Variants in WWTR1 observed in about 807,000 individuals in gnomAD.
WWTR1 encodes the protein WW domain-containing transcription regulator protein 1.
In WWTR1, 13 loss-of-function variants were observed where a neutral mutation model predicts 40.1. That is an observed-to-expected ratio of 0.32 (90% confidence interval 0.21 to 0.52). WWTR1 has a LOEUF of 0.52. Ranked by LOEUF, WWTR1 falls within the 20% of genes least tolerant of loss-of-function variation. The pLI is 0.97. For synonymous variants in WWTR1, 230 were observed against 210.1 expected (o/e 1.09, Z -0.82); for missense variants, 436 against 523.1 (o/e 0.83, Z 1.63).
chr3:149,520,728 T>G lies in WWTR1; in HGVS notation c.*77A>C. ...GCGGGAAGTGGTGCACCTGCAGACT[T>G]GCTCTGCTCCATCACTTTTTCCAAG... On this transcript the variant is annotated 3_prime_UTR_variant, in exon 7 of 7. Transcript: ENST00000360632. 1 of 1,364,062 alleles carries G rather than the reference T, an allele frequency of 7.3e-7. No homozygotes were observed. Among genetic ancestry groups the G allele is most frequent in the Non-Finnish European group, 9.6e-7 (1 of 1,037,276 alleles). The allele number at this position is 1,364,062 out of a possible 1,614,324, so 84.5% of individuals were successfully genotyped here. A position where few individuals can be genotyped will look rare whatever the true frequency, so the allele number is the denominator to read the frequency against.
At chr3:149,684,310 C>T (rs2108206710) in intron 1 of WWTR1, among the ~76,000 whole-genome samples, 1 of 152,194 alleles carries the variant, frequency 6.6e-6, no homozygotes, top group Admixed American at 6.5e-5. Context: ...CGTCAGCCAC[C>T]ACGCCCAGCT....
chr3:149,681,722 A>G (rs1311882468), intron 1 of WWTR1, among the ~76,000 whole-genome samples: 1 of 152,254 alleles, frequency 6.6e-6, no homozygotes, highest in Non-Finnish European at 1.5e-5. Flanking sequence ...TATATACACA[A>G]TAGAATATTA....
intron 2 of WWTR1, among the ~76,000 whole-genome samples, chr3:149,627,293 T>A (rs1740608002): frequency 1.3e-5 from 2 of 152,132 alleles, no homozygotes. Context: ...CTGACCACAA[T>A]CCTAATTTCC....
upstream of WWTR1, among the ~76,000 whole-genome samples, chr3:149,705,071 A>T (rs1351357720): frequency 1.4e-5 from 2 of 139,502 alleles, no homozygotes; most frequent in East Asian, 2.2e-4. Flanking sequence ...AAACTTAGAC[A>T]GTTTATATGA....
chr3:149,701,843 C>A (rs1426760502), intron 1 of WWTR1: 3 of 177,920 alleles, frequency 1.7e-5, no homozygotes, highest in Non-Finnish European at 2.4e-5. Context: ...GCAGGGGAAT[C>A]ATAAGGCATT....
At chr3:149,525,830 A>G in intron 6 of WWTR1, 183 bp downstream of exon 6, 1 of 393,098 alleles carries the variant, frequency 2.5e-6, no homozygotes, top group Non-Finnish European at 4.4e-6. Context: ...GGGTGACGAG[A>G]GCAATCGTAT....
intron 5 of WWTR1, among the ~76,000 whole-genome samples, chr3:149,716,768 G>A (rs906511811): frequency 6.6e-6 from 1 of 152,188 alleles, no homozygotes; most frequent in Non-Finnish European, 1.5e-5. Context: ...GGCTCTAAAT[G>A]TGTAGTTTAG....
At chr3:149,590,287 C>T (rs1738632010) in intron 2 of WWTR1, among the ~76,000 whole-genome samples, 1 of 151,996 alleles carries the variant, frequency 6.6e-6, no homozygotes, top group African/African-American at 2.4e-5. Flanking sequence ...ATTTATATAC[C>T]ATTTTATGGC....
intron 2 of WWTR1, among the ~76,000 whole-genome samples, chr3:149,582,001 C>T (rs1738171163): frequency 6.6e-6 from 1 of 152,098 alleles, no homozygotes; most frequent in Non-Finnish European, 1.5e-5. Context: ...ATTCATTTAC[C>T]AGAGTTTTGT....
At chr3:149,672,369 A>C (rs9847989) in intron 1 of WWTR1, among the ~76,000 whole-genome samples, 2 of 152,084 alleles carry the variant, frequency 1.3e-5, no homozygotes, top group African/African-American at 4.8e-5. Flanking sequence ...TCCACTCACA[A>C]GTTGTTGCCA....
rs150115238 is a variant in WWTR1 at position 149,624,870 on chromosome 3, A to G, written c.431+32006T>C. 8.5e-3 allele frequency among the ~76,000 whole-genome samples: 1,282 copies of G among 150,816 alleles called. 7 individuals carry two copies. The highest frequency in any genetic ancestry group is 0.014 in the Non-Finnish European group (935 of 67,640). On this transcript the variant is annotated intron_variant, in intron 2 of 6. Transcript: ENST00000360632. The stretch of plus-strand genomic sequence containing the variant: ...ATGTGCCACCATGCCCAGCTAATTC[A>G]TTTTATTTATTTTATTTTATTTATT...
intron 2 of WWTR1, among the ~76,000 whole-genome samples, chr3:149,650,349 T>C (rs1008451388): frequency 2.6e-5 from 4 of 152,168 alleles, no homozygotes; most frequent in African/African-American, 9.7e-5. Context: ...AGAGTTCTAA[T>C]CCCATCTCTG....
At chr3:149,601,331 C>G (rs958655313) in intron 2 of WWTR1, among the ~76,000 whole-genome samples, 1 of 152,114 alleles carries the variant, frequency 6.6e-6, no homozygotes, top group Admixed American at 6.6e-5. Flanking sequence ...TCTGGGACCA[C>G]AGGTGACACA....
rs371573093 is a variant in WWTR1, at chr3:149,645,197, G to A, written c.431+11679C>T. On this transcript the variant is annotated intron_variant, in intron 2 of 6. Transcript: ENST00000360632. Reference sequence around the variant, plus strand: ...CAGGTTCGCGCCATTCTCCTGCCTCGGCCTCCCGAGTCACTGGGACTACAG... The same window carrying A: ...CAGGTTCGCGCCATTCTCCTGCCTCAGCCTCCCGAGTCACTGGGACTACAG... Among the ~76,000 whole-genome samples the A allele has an allele frequency of 4.9e-3, 744 of 151,902 alleles. 6 individuals are homozygous for A. The highest frequency in any genetic ancestry group is 0.014 in the African/African-American group (576 of 41,406).
chr3:149,576,181 G>A (rs1287022620), intron 2 of WWTR1: 1 of 440,620 alleles, frequency 2.3e-6, no homozygotes, highest in Non-Finnish European at 4.6e-6. Context: ...CGCTAACATG[G>A]TGTCAAGAGT....
chr3:149,542,148 G>A (rs139363380), intron 4 of WWTR1, among the ~76,000 whole-genome samples, 187 bp downstream of exon 4: 8 of 152,254 alleles, frequency 5.3e-5, no homozygotes, highest in African/African-American at 1.4e-4. Context: ...CTTAAGCTTC[G>A]TTCTGAAAAG....
At chr3:149,671,652 C>T (rs1443385921) in intron 1 of WWTR1, among the ~76,000 whole-genome samples, 3 of 152,140 alleles carry the variant, frequency 2.0e-5, no homozygotes, top group Non-Finnish European at 4.4e-5. Context: ...AATCTAAATC[C>T]AAGCGATTTG....
chr3:149,572,545 C>T (rs1026187819), intron 3 of WWTR1, among the ~76,000 whole-genome samples: 4 of 152,080 alleles, frequency 2.6e-5, no homozygotes, highest in Non-Finnish European at 4.4e-5. Flanking sequence ...GAAGAAAAAG[C>T]CGGCAGAAGG....
chr3:149,524,117 T>C (rs772703184), intron 6 of WWTR1, among the ~76,000 whole-genome samples: 1 of 152,150 alleles, frequency 6.6e-6, no homozygotes, highest in African/African-American at 2.4e-5. Flanking sequence ...GGGTGAGAAA[T>C]CTGAGGCTCA....
Sources: gnomAD v4.1 joint callset for allele counts (sites outside exome capture counted in the v4.1 genomes callset) on GRCh38, gnomAD v4.1.1 for gene constraint, MANE v1.5 for transcripts, NCBI Gene and HGNC (gene_info 2026-07-23, HGNC 2026-07-21) for gene names.